CNOT4: variants seen among roughly 807,000 people sequenced by gnomAD.
CNOT4 encodes CCR4-NOT transcription complex subunit 4, also known as CCR4-associated factor 4.
CNOT4 carries 8 observed loss-of-function variants against 73.8 expected under a neutral mutation model. That is an observed-to-expected ratio of 0.11 (90% CI 0.06 to 0.20). CNOT4 has a LOEUF of 0.20. CNOT4 is among the 10% of genes least tolerant of loss of function. CNOT4 has a pLI of 1.00. For synonymous variants in CNOT4, 293 were observed against 321.1 expected (o/e 0.91, Z 0.94); for missense variants, 564 against 883.4 (o/e 0.64, Z 4.58).
intron 10 of CNOT4, among the ~76,000 whole-genome samples, chr7:135,374,930 GT>G (rs1395042420): frequency 6.6e-6 from 1 of 152,146 alleles, no homozygotes; most frequent in African/African-American, 2.4e-5. Flanking sequence ...TGGCAACTGG[GT>G]AATGGAACGC....
At chr7:135,471,997 A>G (rs1244276005) in intron 1 of CNOT4, among the ~76,000 whole-genome samples, 1 of 151,820 alleles carries the variant, frequency 6.6e-6, no homozygotes, top group East Asian at 1.9e-4. Flanking sequence ...ACATGGTGAA[A>G]CCCTGTCTCT....
At chr7:135,459,834 A>G (rs1800765063) in intron 1 of CNOT4, among the ~76,000 whole-genome samples, 1 of 152,172 alleles carries the variant, frequency 6.6e-6, no homozygotes, top group Non-Finnish European at 1.5e-5. Context: ...CTAGTAATCA[A>G]AGTCCTAGAA....
chr7:135,502,527 G>T (rs1235920484), intron 1 of CNOT4, among the ~76,000 whole-genome samples: 1 of 152,078 alleles, frequency 6.6e-6, no homozygotes, highest in Non-Finnish European at 1.5e-5. Context: ...TTGAAAAATT[G>T]ATTAAGGCTG....
intron 1 of CNOT4, among the ~76,000 whole-genome samples, chr7:135,439,610 T>C (rs1055392556): frequency 6.6e-6 from 1 of 152,106 alleles, no homozygotes; most frequent in African/African-American, 2.4e-5. Context: ...AAAGCCCTCA[T>C]GTCTATAACA....
intron 1 of CNOT4, among the ~76,000 whole-genome samples, chr7:135,442,139 T>C (rs140681042): frequency 1.3e-3 from 195 of 152,248 alleles, no homozygotes; most frequent in African/African-American, 4.4e-3. Context: ...AACACAAACT[T>C]TTAGGGAATT....
At position 135,397,507 on chromosome 7, in the gene CNOT4, A is replaced by G. The variant is rs867289947; in HGVS notation, c.879+662T>C. ...TTTTAGATCTCTAAGTTTTTCATAA[A>G]TACTGTGGAGGACTGGCTATTCTTT... On this transcript the variant is annotated intron_variant, in intron 8 of 11. Coordinates refer to ENST00000541284, the MANE Select transcript of CNOT4 (RefSeq NM_001190850.2). Among the ~76,000 whole-genome samples the G allele has an allele frequency of 4.6e-5, 7 of 152,050 alleles. No individual in the cohort carries two copies. In the South Asian group the frequency reaches 1.4e-3, roughly 31 times the overall value.
At chr7:135,459,747 C>T (rs1358454034) in intron 1 of CNOT4, among the ~76,000 whole-genome samples, 1 of 152,194 alleles carries the variant, frequency 6.6e-6, no homozygotes, top group East Asian at 1.9e-4. Context: ...AAGTCTCCAG[C>T]GGCATTAACC....
chr7:135,468,157 A>C (rs1241249246), intron 1 of CNOT4, among the ~76,000 whole-genome samples: 2 of 152,124 alleles, frequency 1.3e-5, no homozygotes, highest in East Asian at 3.9e-4. Flanking sequence ...CAGAGCTTGC[A>C]GTGAGCAAAG....
intron 1 of CNOT4, among the ~76,000 whole-genome samples, chr7:135,483,669 C>G (rs1802532991): frequency 6.6e-6 from 1 of 151,866 alleles, no homozygotes; most frequent in African/African-American, 2.4e-5. Flanking sequence ...ACAAAAAATA[C>G]AAAAATTAGC....
chr7:135,372,555 G>GTTT lies in CNOT4; in HGVS notation c.1628-8492_1628-8490dup, dbSNP rs10617849. Among the ~76,000 whole-genome samples, 16 of 119,272 alleles carry GTTT rather than the reference G, an allele frequency of 1.3e-4. 2 individuals carry two copies. Among genetic ancestry groups the GTTT allele is most frequent in the South Asian group, 2.7e-4 (1 of 3,698 alleles). 78.2% of individuals were successfully genotyped at this position (119,272 alleles called of 152,430 possible). On this transcript the variant is annotated intron_variant, in intron 10 of 11. Transcript: ENST00000541284. ...TATAACCCTGAACGTTTGCTACCATGTTTTTTTTTTTTTTTTTTGGAGACG... is the reference window on the plus strand; with the variant it reads ...TATAACCCTGAACGTTTGCTACCATGTTTTTTTTTTTTTTTTTTTTTGGAGACG...
intron 10 of CNOT4, among the ~76,000 whole-genome samples, chr7:135,368,143 T>C (rs1424811215): frequency 3.9e-5 from 6 of 152,150 alleles, no homozygotes; most frequent in African/African-American, 1.4e-4. Context: ...CACACTTTCA[T>C]ATTCCACTGT....
intron 10 of CNOT4, among the ~76,000 whole-genome samples, chr7:135,391,286 T>C (rs1796388591): frequency 6.6e-6 from 1 of 152,108 alleles, no homozygotes; most frequent in Admixed American, 6.5e-5. Flanking sequence ...TTATAATCCA[T>C]GAGAGGATTC....
intron 10 of CNOT4, among the ~76,000 whole-genome samples, chr7:135,382,583 G>GAAAA (rs11448872): frequency 1.4e-5 from 2 of 147,232 alleles, no homozygotes; most frequent in Non-Finnish European, 1.5e-5. Flanking sequence ...CTGACTAGGA[G>GAAAA]AAAAAAAAAA....
intron 1 of CNOT4, among the ~76,000 whole-genome samples, chr7:135,447,717 T>A (rs1171698677): frequency 6.6e-6 from 1 of 151,932 alleles, no homozygotes; most frequent in Non-Finnish European, 1.5e-5. Flanking sequence ...AAACCCAAGG[T>A]TGAGTGAAAG....
chr7:135,490,419 G>T (rs531485546), intron 1 of CNOT4, among the ~76,000 whole-genome samples: 1 of 152,160 alleles, frequency 6.6e-6, no homozygotes, highest in South Asian at 2.1e-4. Context: ...GGAAAACAAG[G>T]GTGCTGCTAA....
chr7:135,474,584 G>A (rs926291279), intron 1 of CNOT4, among the ~76,000 whole-genome samples: 2 of 152,066 alleles, frequency 1.3e-5, no homozygotes, highest in African/African-American at 4.8e-5. Context: ...GACTAAACAG[G>A]TTTAGATTCA....
intron 1 of CNOT4, among the ~76,000 whole-genome samples, chr7:135,482,110 A>G (rs1436671922): frequency 6.6e-6 from 1 of 152,220 alleles, no homozygotes; most frequent in African/African-American, 2.4e-5. Context: ...CAACACAAAT[A>G]ATAAATATTA....
chr7:135,442,628 A>G (rs1799554107), intron 1 of CNOT4, among the ~76,000 whole-genome samples: 1 of 152,152 alleles, frequency 6.6e-6, no homozygotes, highest in Non-Finnish European at 1.5e-5. Context: ...ATAAAATAAA[A>G]CAATGCATTC....
intron 3 of CNOT4, among the ~76,000 whole-genome samples, chr7:135,416,357 ATATTT>A (rs1386664142): frequency 3.3e-5 from 5 of 152,098 alleles, no homozygotes; most frequent in Non-Finnish European, 7.4e-5. Flanking sequence ...AATTAATCTT[ATATTT>A]TATTTTAGGT....
Sources: allele counts gnomAD v4.1 joint callset (sites outside exome capture counted in the v4.1 genomes callset), GRCh38; gene constraint gnomAD v4.1.1; transcripts MANE v1.5; gene names NCBI Gene and HGNC (gene_info 2026-07-23, HGNC 2026-07-21).